The following HNRNPR variants were observed in gnomAD, a reference collection of about 807,000 sequenced individuals.
HNRNPR encodes the protein heterogeneous nuclear ribonucleoprotein R.
HNRNPR carries 4 observed loss-of-function variants against 70.3 expected under a neutral mutation model. The ratio of observed to expected loss-of-function variants is 0.06; its 90% confidence interval spans 0.03 to 0.13. The LOEUF (loss-of-function observed/expected upper bound fraction) is 0.13, where lower values mean the gene tolerates loss of function less well. Among genes scored for constraint, HNRNPR ranks in the 10% least tolerant of loss-of-function variants. The pLI, the probability that HNRNPR is intolerant of heterozygous loss-of-function variation, is 1.00. For missense variants in HNRNPR, 423 were observed against 788.5 expected, an observed-to-expected ratio of 0.54 and a Z score of 5.55; for synonymous variants, 241 against 267.6, an observed-to-expected ratio of 0.90 and a Z score of 0.97.
intron 8 of HNRNPR, among the ~76,000 whole-genome samples, chr1:23,315,184 G>A (rs1242762439): frequency 6.6e-6 from 1 of 150,734 alleles, no homozygotes; most frequent in Non-Finnish European, 1.5e-5. Context: ...GGAAGCTGAG[G>A]CAGGAGAATC....
At position 23,323,732 on chromosome 1, in the gene HNRNPR, C is replaced by G; in HGVS notation, c.499G>C (p.Val167Leu). 4.3e-6 allele frequency: 7 copies of G among 1,613,388 alleles called. No homozygotes were observed. Among genetic ancestry groups the G allele is most frequent in the Non-Finnish European group, 5.9e-6 (7 of 1,179,412 alleles). ...TCCCTTGGTATTTTGCCTACAAATA[C>G]CTGAAATAAAACCCCCTTATTAGAA... is the stretch of plus-strand genomic sequence containing the variant. ...SGVQPGIGTE[V>L]FVGKIPRDLY... is the part of the protein sequence containing the mutation. The change falls in exon 6 of 11, where the codon GTA becomes CTA. Residue 167 changes from valine (V) to leucine (L), a missense_variant and splice_region_variant. Around this residue, in one of 7 missense-constraint regions of HNRNPR, gnomAD observed 118 missense variants for 239.3 expected, o/e 0.49. Coordinates refer to ENST00000302271, the MANE Select transcript of HNRNPR (RefSeq NM_005826.5).
chr1:23,338,653 G>A (rs201157608), intron 2 of HNRNPR, 45 bp from the exon 3 acceptor site: 6 of 913,256 alleles, frequency 6.6e-6, no homozygotes, highest in South Asian at 3.1e-5. Context: ...AACAAAAGGG[G>A]TAATCTAAGC....
rs1432398325 is a variant in HNRNPR at position 23,305,649 on chromosome 1, T to C, written c.*4805A>G. On this transcript the variant is annotated 3_prime_UTR_variant, in exon 11 of 11. Coordinates refer to ENST00000302271, the MANE Select transcript of HNRNPR (RefSeq NM_005826.5). ...TTTAATTTCAATCTATACCTTACCA[T>C]CATGGAATCCCCTACAAACTATAAG... The C allele has an allele frequency of 6.6e-6, 1 of 152,192 alleles. No homozygotes were observed. The highest frequency in any genetic ancestry group is 2.4e-5 in the African/African-American group (1 of 41,456). 9.4% of individuals were successfully genotyped at this position (152,192 alleles called of 1,614,324 possible). A position where few individuals can be genotyped will look rare whatever the true frequency, so the allele number is the denominator to read the frequency against.
intron 1 of HNRNPR, among the ~76,000 whole-genome samples, chr1:23,343,431 T>C (rs1646779076): frequency 6.6e-6 from 1 of 152,058 alleles, no homozygotes; most frequent in African/African-American, 2.4e-5. Context: ...ACTGCAAAAA[T>C]CTCAAACAGG....
intron 5 of HNRNPR, among the ~76,000 whole-genome samples, chr1:23,332,926 G>A (rs1331352831): frequency 6.6e-6 from 1 of 152,114 alleles, no homozygotes; most frequent in East Asian, 1.9e-4. Flanking sequence ...GCTAACGCCT[G>A]TAATCCCAGC....
At chr1:23,317,877 G>A (rs1173704731) in intron 8 of HNRNPR, among the ~76,000 whole-genome samples, 1 of 151,978 alleles carries the variant, frequency 6.6e-6, no homozygotes, top group African/African-American at 2.4e-5. Flanking sequence ...CTACTTGGGA[G>A]GCTGAGGAAG....
chr1:23,331,692 G>C (rs938116222), intron 5 of HNRNPR, among the ~76,000 whole-genome samples: 88 of 151,662 alleles, frequency 5.8e-4, no homozygotes, highest in African/African-American at 2.1e-3. Context: ...AAAATAGCTG[G>C]GTTTGGTGGC....
In HNRNPR at chr1:23,305,323, T is replaced by C. The variant is rs1051451326; in HGVS notation, c.*5131A>G. 6.6e-6 allele frequency: 1 copy of C among 152,204 alleles called. No individual in the cohort carries two copies. 9.4% of individuals were successfully genotyped at this position (152,204 alleles called of 1,614,324 possible). ...CTGACACATGCATAAAATGTTACCT[T>C]AACACAACCCTGCAATCACTACAAT... is the stretch of plus-strand genomic sequence containing the variant. On this transcript the variant is annotated 3_prime_UTR_variant, in exon 11 of 11. Coordinates refer to ENST00000302271, the MANE Select transcript of HNRNPR (RefSeq NM_005826.5).
chr1:23,335,010 C>T (rs557464436), intron 4 of HNRNPR, among the ~76,000 whole-genome samples: 8 of 152,154 alleles, frequency 5.3e-5, no homozygotes, highest in South Asian at 2.1e-4. Context: ...CTCCGCCTCC[C>T]GGGTTCACGC....
rs2148374811 is a variant in HNRNPR, at chr1:23,321,551, A to G, written c.788T>C (p.Leu263Ser). The change falls in exon 7 of 11, where the codon TTG (leucine) becomes TCG (serine). Residue 263 changes from leucine to serine, a missense_variant. This residue lies in a region of HNRNPR where 118 missense variants were observed against 239.3 expected (regional missense o/e 0.49). Transcript: ENST00000302271. ...IPKNKTKENI[L>S]EEFSKVTEGL... ...ACCTGTGACTTTACTGAATTCTTCC[A>G]AAATGTTTTCTTTAGTCTTATTCTT... is the stretch of plus-strand genomic sequence containing the variant. The G allele has an allele frequency of 6.2e-7, 1 of 1,612,114 alleles. No homozygotes were observed. Among genetic ancestry groups the G allele is most frequent in the South Asian group, 1.1e-5 (1 of 90,450 alleles).
intron 4 of HNRNPR, among the ~76,000 whole-genome samples, chr1:23,337,273 T>C (rs925332389): frequency 6.6e-6 from 1 of 152,206 alleles, no homozygotes; most frequent in South Asian, 2.1e-4. Flanking sequence ...TTAGGGCTTT[T>C]CATTAAACAT....
At chr1:23,334,638 C>A (rs1646390052) in intron 4 of HNRNPR, among the ~76,000 whole-genome samples, 1 of 152,096 alleles carries the variant, frequency 6.6e-6, no homozygotes. Flanking sequence ...GGTAATCAGA[C>A]AAGAATCATA....
chr1:23,317,984 A>T (rs933578800), intron 8 of HNRNPR, among the ~76,000 whole-genome samples: 2 of 151,688 alleles, frequency 1.3e-5, no homozygotes, highest in African/African-American at 4.8e-5. Flanking sequence ...TGTCTCAAAA[A>T]ATAATAATAA....
At chr1:23,312,660 T>C (rs1645380210) in intron 9 of HNRNPR, among the ~76,000 whole-genome samples, 1 of 152,180 alleles carries the variant, frequency 6.6e-6, no homozygotes. Flanking sequence ...CAATTAATTA[T>C]AAACCAATCA....
chr1:23,334,472 G>A (rs535041995), intron 4 of HNRNPR, among the ~76,000 whole-genome samples: 8 of 152,074 alleles, frequency 5.3e-5, no homozygotes, highest in African/African-American at 1.9e-4. Context: ...TCCTGATCTC[G>A]TGATCCACCC....
chr1:23,323,251 G>A (rs1220424694), intron 6 of HNRNPR, among the ~76,000 whole-genome samples: 1 of 151,704 alleles, frequency 6.6e-6, no homozygotes, highest in Non-Finnish European at 1.5e-5. Flanking sequence ...ACATCCTTTT[G>A]CCTAAAACCA....
intron 4 of HNRNPR, among the ~76,000 whole-genome samples, chr1:23,336,722 TGCACTCCA>T (rs150382534): frequency 0.059 from 8,490 of 144,202 alleles, 828 homozygotes; most frequent in African/African-American, 0.21. Flanking sequence ...ATGGCGCTAC[TGCACTCCA>T]GCACTCCAGC....
At chr1:23,331,439 T>C (rs1348160856) in intron 5 of HNRNPR, among the ~76,000 whole-genome samples, 1 of 149,644 alleles carries the variant, frequency 6.7e-6, no homozygotes, top group Non-Finnish European at 1.5e-5. Context: ...GGCTTCACTT[T>C]GGGAGGCCGA....
chr1:23,313,802 A>AT lies in HNRNPR; in HGVS notation c.1018-101dup, dbSNP rs1447110979. On this transcript the variant is annotated intron_variant, in intron 8 of 10. Transcript: ENST00000302271. ...TAGCATAGCTTTTCTCCTCTAAAAC[A>AT]TTAAGTGCTAAAAGTGTTGTTACAG... 6.2e-6 allele frequency: 8 copies of AT among 1,293,086 alleles called. No homozygotes were observed. The East Asian group carries it at 2.0e-4, about 32-fold the overall frequency. The allele number at this position is 1,293,086 out of a possible 1,614,324, so 80.1% of individuals were successfully genotyped here.
Sources: gnomAD v4.1 joint callset for allele counts (sites outside exome capture counted in the v4.1 genomes callset) on GRCh38, gnomAD v4.1.1 for gene constraint, gnomAD v4.1.1 regional missense constraint, MANE v1.5 for transcripts, NCBI Gene and HGNC (gene_info 2026-07-23, HGNC 2026-07-21) for gene names.